Variants in CC2D2A observed in about 807,000 individuals in gnomAD.
The protein encoded by CC2D2A is coiled-coil and C2 domain-containing protein 2A.
CC2D2A carries 155 observed loss-of-function variants against 212.9 expected under a neutral mutation model. The ratio of observed to expected loss-of-function variants is 0.73; its 90% CI spans 0.64 to 0.83. The LOEUF is 0.83. Ranked by LOEUF, CC2D2A falls within the 40% of genes least tolerant of loss-of-function variation. The pLI is 0.00. For missense variants in CC2D2A, 1,856 were observed against 1,956.2 expected, an observed-to-expected ratio of 0.95 and a Z score of 0.97; for synonymous variants, 667 against 686.5, an observed-to-expected ratio of 0.97 and a Z score of 0.44.
chr4:15,549,159 A>T (rs761263439), intron 17 of CC2D2A, among the ~76,000 whole-genome samples: 53 of 152,204 alleles, frequency 3.5e-4, no homozygotes, highest in Non-Finnish European at 7.1e-4. Context: ...TAACATAGTG[A>T]TCATTGAAGC....
Position 15,580,168 on chromosome 4 carries a change from T to C in CC2D2A, c.3972T>C (p.Thr1324=), listed in dbSNP as rs201357637. The change falls in exon 30 of 37, where the codon ACT becomes ACC. Residue 1324 remains threonine, a synonymous_variant. Coordinates refer to ENST00000424120, the MANE Select transcript of CC2D2A (RefSeq NM_001378615.1). The part of the protein sequence containing the change: ...LNVYPNNLQA[T]AELVARYVSL... Reference sequence around the variant, plus strand: ...TCTACCCCAATAATCTACAGGCAACTGCAGTAAGTATTTCATAGTCAATAA... The same window carrying C: ...TCTACCCCAATAATCTACAGGCAACCGCAGTAAGTATTTCATAGTCAATAA... 1.4e-4 allele frequency: 233 copies of C among 1,610,996 alleles called. No homozygotes were observed. Among genetic ancestry groups the C allele is most frequent in the Non-Finnish European group, 1.9e-4 (221 of 1,177,488 alleles).
rs1720586431 is a variant in CC2D2A, at chr4:15,579,962, T to C, written c.3772-6T>C. 3 of 1,609,970 alleles carry C rather than the reference T, an allele frequency of 1.9e-6. No homozygotes were observed. The highest frequency in any genetic ancestry group is 2.2e-5 in the South Asian group (2 of 90,964). On this transcript the variant is annotated splice_region_variant and splice_polypyrimidine_tract_variant and intron_variant, in intron 29 of 36. Transcript: ENST00000424120. Reference sequence around the variant, plus strand: ...CATAAACTCCATGAAGTCTTTCTTTTTGAAGTTTGAGTCTCAGGAAGATGA... The same window carrying C: ...CATAAACTCCATGAAGTCTTTCTTTCTGAAGTTTGAGTCTCAGGAAGATGA...
At chr4:15,600,809 G>A (rs962351276) in intron 36 of CC2D2A, among the ~76,000 whole-genome samples, 20 of 151,664 alleles carry the variant, frequency 1.3e-4, no homozygotes, top group Non-Finnish European at 2.8e-4. Context: ...GCTAAAGTGG[G>A]GGGACCATTT....
rs1444976716 is a variant in CC2D2A, at chr4:15,550,620, G to A, written c.2182-204G>A. On this transcript the variant is annotated intron_variant, in intron 17 of 36. Coordinates refer to ENST00000424120, the MANE Select transcript of CC2D2A (RefSeq NM_001378615.1). Reference sequence around the variant, plus strand: ...GAAGATTAGTCCAGGCAAGAAAGCTGGGTGTCAACAACTTGACCACAAACA... The same window carrying A: ...GAAGATTAGTCCAGGCAAGAAAGCTAGGTGTCAACAACTTGACCACAAACA... 1.0e-5 allele frequency: 4 copies of A among 387,086 alleles called. No homozygotes were observed. The Admixed American group carries it at 1.3e-4, about 13-fold the overall frequency. 24.0% of individuals were successfully genotyped at this position (387,086 alleles called of 1,614,324 possible). A position where few individuals can be genotyped will look rare whatever the true frequency, so the allele number is the denominator to read the frequency against.
chr4:15,593,200 G>C (rs1721186495), intron 33 of CC2D2A, among the ~76,000 whole-genome samples: 1 of 152,102 alleles, frequency 6.6e-6, no homozygotes, highest in African/African-American at 2.4e-5. Context: ...TTTCCACCTT[G>C]GATCTCAAAG....
intron 17 of CC2D2A, among the ~76,000 whole-genome samples, chr4:15,546,908 A>G (rs1005513430): frequency 1.3e-5 from 2 of 152,196 alleles, no homozygotes; most frequent in Non-Finnish European, 2.9e-5. Flanking sequence ...GGAAATCTCT[A>G]GGAAATGTTT....
At chr4:15,587,482 T>G (rs1720903087) in intron 31 of CC2D2A, among the ~76,000 whole-genome samples, 2 of 152,240 alleles carry the variant, frequency 1.3e-5, no homozygotes, top group Non-Finnish European at 2.9e-5. Context: ...GTAAGTTTAA[T>G]GAAGTAATGT....
chr4:15,592,169 G>A (rs1056221572), intron 33 of CC2D2A, among the ~76,000 whole-genome samples: 6 of 151,948 alleles, frequency 3.9e-5, no homozygotes, highest in African/African-American at 1.5e-4. Flanking sequence ...CCCATTCCAT[G>A]CTCCACTATT....
intron 21 of CC2D2A, among the ~76,000 whole-genome samples, chr4:15,558,252 G>T (rs1421958160): frequency 6.6e-6 from 1 of 152,116 alleles, no homozygotes; most frequent in Non-Finnish European, 1.5e-5. Flanking sequence ...GTACCAGGAA[G>T]ATTTTTCATG....
chr4:15,595,716 G>C (rs949552998), intron 33 of CC2D2A, among the ~76,000 whole-genome samples: 2 of 152,202 alleles, frequency 1.3e-5, no homozygotes, highest in African/African-American at 4.8e-5. Context: ...TGGATGCAGA[G>C]ATGAATGGAC....
intron 7 of CC2D2A, among the ~76,000 whole-genome samples, chr4:15,510,727 G>A (rs939205575): frequency 2.0e-5 from 3 of 152,180 alleles, no homozygotes; most frequent in African/African-American, 7.2e-5. Flanking sequence ...CCTGACTTGA[G>A]GATGAGGGAG....
In CC2D2A at chr4:15,569,294, G is replaced by GC; in HGVS notation, c.3401dup (p.Pro1135SerfsTer2). On this transcript the variant is annotated frameshift_variant and splice_region_variant, in exon 27 of 37. Coordinates refer to ENST00000424120, the MANE Select transcript of CC2D2A (RefSeq NM_001378615.1). LOFTEE classifies it high-confidence loss of function. Reference sequence around the variant, plus strand: ...CCCTGGTCATGTGCTGTCTTGCAGGGCTCCTAATGGAGATTATAGCACAGC... The same window carrying GC: ...CCCTGGTCATGTGCTGTCTTGCAGGGCCTCCTAATGGAGATTATAGCACAGC... 6.4e-7 allele frequency: 1 copy of GC among 1,563,300 alleles called. No homozygotes were observed. The highest frequency in any genetic ancestry group is 1.2e-5 in the South Asian group (1 of 85,210).
chr4:15,476,876 A>G (rs1446214207), intron 2 of CC2D2A, among the ~76,000 whole-genome samples: 2 of 152,228 alleles, frequency 1.3e-5, no homozygotes, highest in East Asian at 1.9e-4. Flanking sequence ...ATTCCTCTCA[A>G]TCCTTACTTC....
intron 17 of CC2D2A, among the ~76,000 whole-genome samples, chr4:15,547,727 G>A (rs1718783866): frequency 6.6e-6 from 1 of 152,108 alleles, no homozygotes; most frequent in African/African-American, 2.4e-5. Flanking sequence ...TTTAAAAATA[G>A]CATTTCTTCC....
intron 21 of CC2D2A, 117 bp downstream of exon 21, chr4:15,557,624 C>G: frequency 1.7e-6 from 1 of 605,110 alleles, no homozygotes; most frequent in Middle Eastern, 4.6e-4. Flanking sequence ...AGCGGTTTCT[C>G]TTTTATTTCA....
intron 4 of CC2D2A, among the ~76,000 whole-genome samples, chr4:15,485,391 TA>T (rs1169473738): frequency 3.9e-5 from 6 of 152,256 alleles, no homozygotes; most frequent in Non-Finnish European, 8.8e-5. Flanking sequence ...GATGGATACT[TA>T]GGTTAATTCC....
intron 4 of CC2D2A, among the ~76,000 whole-genome samples, chr4:15,500,979 C>A (rs1031745482): frequency 3.3e-5 from 5 of 152,118 alleles, no homozygotes; most frequent in African/African-American, 1.2e-4. Context: ...ACTTATCTGG[C>A]CCCAGACAAA....
intron 4 of CC2D2A, chr4:15,481,830 T>G (rs1165898898): frequency 1.0e-6 from 1 of 985,282 alleles, no homozygotes; most frequent in East Asian, 1.1e-4. Flanking sequence ...AAGATGAAAT[T>G]GTTAGGGAAG....
intron 13 of CC2D2A, 68 bp downstream of exon 13, chr4:15,528,794 T>C (rs1717658907): frequency 9.0e-7 from 1 of 1,113,978 alleles, no homozygotes; most frequent in African/African-American, 1.6e-5. Flanking sequence ...GAGTTTATTT[T>C]TCCAGATACT....
Sources: allele counts gnomAD v4.1 joint callset (sites outside exome capture counted in the v4.1 genomes callset), GRCh38; gene constraint gnomAD v4.1.1; transcripts MANE v1.5; gene names NCBI Gene and HGNC (gene_info 2026-07-23, HGNC 2026-07-21).